Variants in PDE5A observed in about 807,000 individuals in gnomAD.
PDE5A encodes cGMP-specific 3',5'-cyclic phosphodiesterase.
In PDE5A, 67 loss-of-function variants were observed where a neutral mutation model predicts 110.2. The ratio of observed to expected loss-of-function variants is 0.61; its 90% CI spans 0.50 to 0.75. The LOEUF is 0.75. PDE5A is among the 30% of genes least tolerant of loss of function. The pLI is 0.00. For synonymous variants in PDE5A, 328 were observed against 351.2 expected, an observed-to-expected ratio of 0.93 and a Z score of 0.74; for missense variants, 862 against 1,045.1, an observed-to-expected ratio of 0.82 and a Z score of 2.42.
chr4:119,502,385 A>T lies in PDE5A; in HGVS notation c.2406+196T>A, dbSNP rs1295566037. The T allele has an allele frequency of 6.8e-6, 3 of 444,352 alleles. No homozygotes were observed. The Admixed American group carries it at 1.2e-4, about 18-fold the overall frequency. The allele number at this position is 444,352 out of a possible 1,614,324, so 27.5% of individuals were successfully genotyped here. On this transcript the variant is annotated intron_variant, in intron 19 of 20. Coordinates refer to ENST00000354960, the MANE Select transcript of PDE5A (RefSeq NM_001083.4). The stretch of plus-strand genomic sequence containing the variant: ...ACACTGATACAATATGATGAACCCA[A>T]GAGTCTTTATTATGCCTTTTATTGG...
intron 3 of PDE5A, among the ~76,000 whole-genome samples, chr4:119,571,984 T>C (rs770597341): frequency 6.6e-6 from 1 of 152,150 alleles, no homozygotes; most frequent in African/African-American, 2.4e-5. Flanking sequence ...TACCTAACAT[T>C]CCACACTCTC....
chr4:119,628,703 G>A lies in PDE5A; in HGVS notation c.-32C>T. 1.2e-6 allele frequency: 2 copies of A among 1,606,354 alleles called. No individual in the cohort carries two copies. The highest frequency in any genetic ancestry group is 8.5e-7 in the Non-Finnish European group (1 of 1,179,360). On this transcript the variant is annotated 5_prime_UTR_variant, in exon 1 of 21. Coordinates refer to ENST00000354960, the MANE Select transcript of PDE5A (RefSeq NM_001083.4). Reference sequence around the variant, plus strand: ...CACCGCGCGCCTCGGAGGCTCTCTGGTACTGCTTTTCCACCCCAGCTGGGG... The same window carrying A: ...CACCGCGCGCCTCGGAGGCTCTCTGATACTGCTTTTCCACCCCAGCTGGGG...
intron 17 of PDE5A, 38 bp downstream of exon 17, chr4:119,505,817 T>TA (rs1423272717): frequency 1.7e-5 from 20 of 1,192,104 alleles, no homozygotes; most frequent in Non-Finnish European, 2.2e-5. Context: ...ATTAACTGGG[T>TA]AAAAAACTTC....
chr4:119,617,223 T>C (rs1049962446), intron 1 of PDE5A, among the ~76,000 whole-genome samples: 7 of 152,148 alleles, frequency 4.6e-5, no homozygotes, highest in African/African-American at 1.7e-4. Context: ...TTTGGGTTTT[T>C]AGAAATTTTC....
At chr4:119,510,437 C>T (rs1321188988) in intron 15 of PDE5A, among the ~76,000 whole-genome samples, 1 of 151,898 alleles carries the variant, frequency 6.6e-6, no homozygotes, top group African/African-American at 2.4e-5. Flanking sequence ...ATACACACAG[C>T]CGACAATGTA....
chr4:119,501,096 T>C (rs534434160), intron 20 of PDE5A, 74 bp downstream of exon 20: 2 of 884,874 alleles, frequency 2.3e-6, no homozygotes, highest in East Asian at 2.4e-5. Context: ...GCGCCTAATA[T>C]TAATCTCTTC....
In PDE5A at chr4:119,495,762, GCT is replaced by G. The variant is rs1370832424; in HGVS notation, c.*2837_*2838del. 3 of 152,142 alleles carry G rather than the reference GCT, an allele frequency of 2.0e-5. No homozygotes were observed. Among genetic ancestry groups the G allele is most frequent in the Non-Finnish European group, 4.4e-5 (3 of 68,022 alleles). The allele number at this position is 152,142 out of a possible 1,614,324, so 9.4% of individuals were successfully genotyped here. A position where few individuals can be genotyped will look rare whatever the true frequency, so the allele number is the denominator to read the frequency against. On this transcript the variant is annotated 3_prime_UTR_variant, in exon 21 of 21. Coordinates refer to ENST00000354960, the MANE Select transcript of PDE5A (RefSeq NM_001083.4). ...TACCTTGAAGCAATATACTCAATGA[GCT>G]CTAAATCTCACATTCACTAGTGATC...
intron 14 of PDE5A, among the ~76,000 whole-genome samples, chr4:119,516,040 T>C (rs1725897804): frequency 6.6e-6 from 1 of 152,234 alleles, no homozygotes; most frequent in Non-Finnish European, 1.5e-5. Context: ...CTAGTCAAGC[T>C]AGCCATCACC....
chr4:119,525,574 A>G lies in PDE5A; in HGVS notation c.1754T>C (p.Val585Ala). The change falls in exon 12 of 21, where the codon GTG becomes GCG. Residue 585 changes from valine (V) to alanine (A), a missense_variant. Transcript: ENST00000354960. This position sits in a 1 kb window ranked among gnomAD's most constrained non-coding sequence, Gnocchi z 4.3. ...TIRMFTDLNL[V>A]QNFQMKHEVL... Reference sequence around the variant, plus strand: ...CTCATGTTTCATCTGGAAGTTCTGCACAAGGTTGAGGTCAGTAAACATCCG... The same window carrying G: ...CTCATGTTTCATCTGGAAGTTCTGCGCAAGGTTGAGGTCAGTAAACATCCG... The G allele has an allele frequency of 6.2e-7, 1 of 1,612,992 alleles. No individual in the cohort carries two copies. The highest frequency in any genetic ancestry group is 8.5e-7 in the Non-Finnish European group (1 of 1,179,366).
intron 2 of PDE5A, among the ~76,000 whole-genome samples, chr4:119,600,199 A>AT (rs1560635301): frequency 2.0e-5 from 3 of 147,132 alleles, no homozygotes; most frequent in Middle Eastern, 3.5e-3. Context: ...TATATATATA[A>AT]AAAGAGTAAG....
rs543727229 is a variant in PDE5A at position 119,594,215 on chromosome 4, G to A, written c.831+2308C>T. 1.3e-3 allele frequency among the ~76,000 whole-genome samples: 194 copies of A among 152,258 alleles called. 1 individual carries two copies. The highest frequency in any genetic ancestry group is 4.6e-3 in the African/African-American group (192 of 41,544). On this transcript the variant is annotated intron_variant, in intron 3 of 20. Transcript: ENST00000354960. ...AATGTATATCCTGAGGATACTTTCT[G>A]TAGAAAGGGCCATCCTACTCACTTC...
At chr4:119,539,412 C>A (rs1726845819) in intron 10 of PDE5A, among the ~76,000 whole-genome samples, 2 of 151,518 alleles carry the variant, frequency 1.3e-5, no homozygotes, top group South Asian at 4.2e-4. Flanking sequence ...AAGAGAAAAT[C>A]TCTGCATAAT....
chr4:119,531,997 C>T (rs897248456), intron 11 of PDE5A, among the ~76,000 whole-genome samples: 6 of 152,096 alleles, frequency 3.9e-5, no homozygotes, highest in Non-Finnish European at 5.9e-5. Flanking sequence ...GGCTCTATCA[C>T]CAGTTTGTAG....
intron 1 of PDE5A, among the ~76,000 whole-genome samples, chr4:119,612,851 A>G (rs796147819): frequency 3.5e-4 from 53 of 152,332 alleles, no homozygotes; most frequent in African/African-American, 9.9e-4. Flanking sequence ...GGACTAAGAC[A>G]ATATAGATTT....
At chr4:119,555,369 T>C (rs1017232352) in intron 7 of PDE5A, among the ~76,000 whole-genome samples, 2 of 152,136 alleles carry the variant, frequency 1.3e-5, no homozygotes, top group Non-Finnish European at 2.9e-5. Flanking sequence ...CCTAATACAC[T>C]CCTGAGGTCC....
chr4:119,603,741 CTGAG>C (rs1296457566), intron 2 of PDE5A, among the ~76,000 whole-genome samples: 1 of 152,096 alleles, frequency 6.6e-6, no homozygotes, highest in Non-Finnish European at 1.5e-5. Context: ...CAGCATCAAT[CTGAG>C]TATTATTCTG....
chr4:119,525,576 A>G lies in PDE5A; in HGVS notation c.1752T>C (p.Leu584=), dbSNP rs766638833. The G allele has an allele frequency of 3.1e-6, 5 of 1,612,946 alleles. No individual in the cohort carries two copies. In the East Asian group the frequency reaches 8.9e-5, roughly 29 times the overall value. ...CATGTTTCATCTGGAAGTTCTGCACAAGGTTGAGGTCAGTAAACATCCGAA... is the reference window on the plus strand; with the variant it reads ...CATGTTTCATCTGGAAGTTCTGCACGAGGTTGAGGTCAGTAAACATCCGAA... ...CTIRMFTDLN[L]VQNFQMKHEV... Residue 584 remains leucine, a synonymous_variant, in exon 12 of 21, where the codon CTT becomes CTC. Coordinates refer to ENST00000354960, the MANE Select transcript of PDE5A (RefSeq NM_001083.4). This position sits in a 1 kb window ranked among gnomAD's most constrained non-coding sequence, Gnocchi z 4.3.
At chr4:119,529,133 T>C (rs1199908654) in intron 11 of PDE5A, among the ~76,000 whole-genome samples, 1 of 151,704 alleles carries the variant, frequency 6.6e-6, no homozygotes, top group Non-Finnish European at 1.5e-5. Flanking sequence ...TTTTCAGGGA[T>C]GGGGGAAGTG....
chr4:119,537,025 C>G (rs1348773427), intron 11 of PDE5A, among the ~76,000 whole-genome samples: 2 of 152,094 alleles, frequency 1.3e-5, no homozygotes, highest in East Asian at 3.9e-4. Context: ...TTATCTGTAT[C>G]CTCTTGTTTG....
Sources: allele counts gnomAD v4.1 joint callset (sites outside exome capture counted in the v4.1 genomes callset), GRCh38; gene constraint gnomAD v4.1.1; non-coding constraint Gnocchi (gnomAD v3.1); transcripts MANE v1.5; gene names NCBI Gene and HGNC (gene_info 2026-07-23, HGNC 2026-07-21).